Variants in ZNF146 observed in about 807,000 individuals in gnomAD.
ZNF146 encodes zinc finger protein 146.
In ZNF146, 9 loss-of-function variants were observed where a neutral mutation model predicts 22.2. The ratio of observed to expected loss-of-function variants is 0.41; its 90% CI spans 0.24 to 0.71. The LOEUF is 0.71. Among genes scored for constraint, ZNF146 ranks in the 30% least tolerant of loss-of-function variants. ZNF146 has a pLI of 0.34. For synonymous variants in ZNF146, 108 were observed against 119.2 expected (o/e 0.91, Z 0.61); for missense variants, 194 against 344.8 (o/e 0.56, Z 3.46).
chr19:36,228,246 AT>A (rs1425983156), intron 2 of ZNF146, among the ~76,000 whole-genome samples: 1 of 133,816 alleles, frequency 7.5e-6, no homozygotes, highest in Non-Finnish European at 1.6e-5. Flanking sequence ...TTGAGTTTTT[AT>A]TCTTGAGTAC....
chr19:36,230,195 T>C (rs1272438630), intron 3 of ZNF146, among the ~76,000 whole-genome samples: 4 of 152,228 alleles, frequency 2.6e-5, no homozygotes, highest in Non-Finnish European at 5.9e-5. Context: ...TTTATAAATT[T>C]AATTGAGATA....
At chr19:36,222,381 G>A (rs1379016690) in intron 2 of ZNF146, among the ~76,000 whole-genome samples, 1 of 152,176 alleles carries the variant, frequency 6.6e-6, no homozygotes, top group African/African-American at 2.4e-5. Flanking sequence ...TAACAATGCA[G>A]TAATGAATAA....
intron 2 of ZNF146, among the ~76,000 whole-genome samples, chr19:36,221,051 C>G (rs1976814110): frequency 6.6e-6 from 1 of 151,612 alleles, no homozygotes; most frequent in African/African-American, 2.4e-5. Context: ...CAGCGTTTCA[C>G]CATGTTGGCC....
chr19:36,233,863 C>G (rs1977513825), intron 3 of ZNF146, among the ~76,000 whole-genome samples: 1 of 152,194 alleles, frequency 6.6e-6, no homozygotes, highest in Non-Finnish European at 1.5e-5. Context: ...CTTATCTCAA[C>G]TGCAAAGAGG....
intron 2 of ZNF146, among the ~76,000 whole-genome samples, chr19:36,219,286 G>A (rs1241298686): frequency 3.3e-5 from 5 of 152,042 alleles, no homozygotes; most frequent in East Asian, 1.9e-4. Context: ...CCCCACCCCC[G>A]CAGTGGTTGG....
Position 36,236,260 on chromosome 19 carries a change from C to T in ZNF146, c.-181C>T. 1 of 693,678 alleles carries T rather than the reference C, an allele frequency of 1.4e-6. No homozygotes were observed. The highest frequency in any genetic ancestry group is 2.2e-6 in the Non-Finnish European group (1 of 444,498). The allele number at this position is 693,678 out of a possible 1,614,324, so 43.0% of individuals were successfully genotyped here. On this transcript the variant is annotated 5_prime_UTR_variant, in exon 4 of 4. Coordinates refer to ENST00000443387, the MANE Select transcript of ZNF146 (RefSeq NM_007145.3). ...TTCTAGAGAGAAAGCATTGAATATA[C>T]TGAGTATGATAACATTTCCTCTCAA...
At chr19:36,215,674 A>C (rs1976571729) in intron 1 of ZNF146, among the ~76,000 whole-genome samples, 1 of 151,954 alleles carries the variant, frequency 6.6e-6, no homozygotes, top group East Asian at 1.9e-4. Context: ...TTTTTTAATT[A>C]AACGAGAGTG....
chr19:36,218,870 G>A (rs1240774543), intron 2 of ZNF146, among the ~76,000 whole-genome samples: 2 of 150,884 alleles, frequency 1.3e-5, no homozygotes, highest in Non-Finnish European at 3.0e-5. Flanking sequence ...GTGCAGTGGT[G>A]CTATCTTGGC....
chr19:36,226,650 CA>C (rs1301534223), intron 2 of ZNF146, among the ~76,000 whole-genome samples: 1 of 152,070 alleles, frequency 6.6e-6, no homozygotes, highest in East Asian at 1.9e-4. Flanking sequence ...ATGCATTTTG[CA>C]AGAACAAAAA....
intron 2 of ZNF146, among the ~76,000 whole-genome samples, chr19:36,223,731 A>G (rs565074333): frequency 6.6e-6 from 1 of 152,070 alleles, no homozygotes; most frequent in Non-Finnish European, 1.5e-5. Flanking sequence ...TCAAATTCTT[A>G]TAAAGTTACA....
At chr19:36,227,707 A>ATTT (rs1977134090) in intron 2 of ZNF146, among the ~76,000 whole-genome samples, 6 of 152,132 alleles carry the variant, frequency 3.9e-5, no homozygotes, top group South Asian at 4.2e-4. Context: ...GGCGCACACC[A>ATTT]TTGCGCCCAG....
intron 2 of ZNF146, chr19:36,228,407 A>G (rs1044546275): frequency 4.6e-5 from 7 of 152,212 alleles, no homozygotes; most frequent in African/African-American, 1.7e-4. Flanking sequence ...TGCTAGAGAA[A>G]AACAGCAATC....
chr19:36,226,413 A>C (rs1207192715), intron 2 of ZNF146, among the ~76,000 whole-genome samples: 1 of 152,190 alleles, frequency 6.6e-6, no homozygotes, highest in Admixed American at 6.5e-5. Flanking sequence ...TATATATGTG[A>C]AACTTAAATT....
chr19:36,223,195 TC>T (rs934238665), intron 2 of ZNF146, among the ~76,000 whole-genome samples: 5 of 151,818 alleles, frequency 3.3e-5, no homozygotes, highest in Non-Finnish European at 5.9e-5. Context: ...GGCGGGTAGA[TC>T]ACTTGAGGTC....
At chr19:36,228,420 TCACAC>T (rs1345663006) in intron 2 of ZNF146, 2 of 152,216 alleles carry the variant, frequency 1.3e-5, no homozygotes, top group African/African-American at 4.8e-5. Flanking sequence ...CAGCAATCAC[TCACAC>T]AAGGTGTGAA....
intron 1 of ZNF146, among the ~76,000 whole-genome samples, 175 bp downstream of exon 1, chr19:36,215,371 C>T (rs1307774845): frequency 2.0e-5 from 3 of 152,042 alleles, no homozygotes; most frequent in South Asian, 2.1e-4. Context: ...AGTTTGTCCT[C>T]AAAGTTTGAC....
At chr19:36,233,871 A>C (rs1271868681) in intron 3 of ZNF146, among the ~76,000 whole-genome samples, 1 of 152,132 alleles carries the variant, frequency 6.6e-6, no homozygotes, top group Non-Finnish European at 1.5e-5. Context: ...AACTGCAAAG[A>C]GGTCTTCCTT....
intron 3 of ZNF146, among the ~76,000 whole-genome samples, chr19:36,233,580 T>C (rs1977494259): frequency 6.6e-6 from 1 of 152,032 alleles, no homozygotes; most frequent in Non-Finnish European, 1.5e-5. Flanking sequence ...GAGGGGGATG[T>C]GGCAGGACAA....
intron 2 of ZNF146, among the ~76,000 whole-genome samples, chr19:36,218,525 G>A (rs1160067477): frequency 1.3e-5 from 2 of 151,656 alleles, no homozygotes; most frequent in African/African-American, 2.4e-5. Context: ...CAGTGCAGTG[G>A]CCTGATCTCG....
Sources: gnomAD v4.1 joint callset for allele counts (sites outside exome capture counted in the v4.1 genomes callset) on GRCh38, gnomAD v4.1.1 for gene constraint, MANE v1.5 for transcripts, NCBI Gene and HGNC (gene_info 2026-07-23, HGNC 2026-07-21) for gene names.